EIF2AK4: variants seen among roughly 807,000 people sequenced by gnomAD.
The protein encoded by EIF2AK4 is eIF-2-alpha kinase GCN2.
EIF2AK4 carries 139 observed loss-of-function variants against 211.1 expected under a neutral mutation model. The observed-to-expected ratio is 0.66, with a 90% confidence interval of 0.57 to 0.76. The LOEUF is 0.76. Among genes scored for constraint, EIF2AK4 ranks in the 30% least tolerant of loss-of-function variants. EIF2AK4 has a pLI of 0.00. For synonymous variants in EIF2AK4, 710 were observed against 751.3 expected (o/e 0.94, Z 0.90); for missense variants, 1,664 against 2,043.8 (o/e 0.81, Z 3.58).
intron 7 of EIF2AK4, among the ~76,000 whole-genome samples, chr15:39,963,584 A>T (rs2034502497): frequency 1.3e-5 from 2 of 152,192 alleles, no homozygotes; most frequent in African/African-American, 2.4e-5. Flanking sequence ...GTATTTTTAT[A>T]AAAAACAATA....
chr15:40,011,384 G>A (rs754652716), intron 27 of EIF2AK4, 38 bp downstream of exon 27: 1 of 1,542,198 alleles, frequency 6.5e-7, no homozygotes, highest in Non-Finnish European at 8.9e-7. Flanking sequence ...AGCTTTCTCT[G>A]TAATTTTGTG....
In EIF2AK4 at chr15:40,034,358, T is replaced by G. The variant is rs1268708595; in HGVS notation, c.4806T>G (p.Thr1602=). The G allele has an allele frequency of 5.0e-6, 8 of 1,614,134 alleles. No homozygotes were observed. The highest frequency in any genetic ancestry group is 2.2e-5 in the East Asian group (1 of 44,882). Residue 1602 remains threonine, a synonymous_variant, in exon 38 of 39, where the codon ACT becomes ACG. Transcript: ENST00000263791. ...CTGATGAACAGGCATTTAACACAAC[T>G]GTGAAGCAGCTGCTGTCACGCCTGC... is the stretch of plus-strand genomic sequence containing the variant. ...WDADEQAFNT[T]VKQLLSRLPK... is the part of the protein sequence containing the mutation.
chr15:39,964,234 T>C (rs2034512510), intron 7 of EIF2AK4, among the ~76,000 whole-genome samples: 1 of 152,246 alleles, frequency 6.6e-6, no homozygotes, highest in Non-Finnish European at 1.5e-5. Context: ...ATCTTTATCA[T>C]GTATATGCAG....
chr15:39,935,468 T>C (rs1190528224), intron 1 of EIF2AK4, among the ~76,000 whole-genome samples: 1 of 152,138 alleles, frequency 6.6e-6, no homozygotes, highest in East Asian at 1.9e-4. Flanking sequence ...TACCTGGGAC[T>C]ACAGGCACAT....
At chr15:39,935,026 G>T (rs2034043357) in intron 1 of EIF2AK4, among the ~76,000 whole-genome samples, 1 of 151,940 alleles carries the variant, frequency 6.6e-6, no homozygotes, top group Admixed American at 6.6e-5. Flanking sequence ...TAACACTAAG[G>T]ATAGCTGATG....
At position 40,001,143 on chromosome 15, in the gene EIF2AK4, C is replaced by G. The variant is rs1370565209; in HGVS notation, c.3078C>G (p.Ala1026=). 1 of 1,614,162 alleles carries G rather than the reference C, an allele frequency of 6.2e-7. No individual in the cohort carries two copies. The highest frequency in any genetic ancestry group is 1.7e-5 in the Admixed American group (1 of 60,016). Residue 1026 remains alanine, a synonymous_variant, in exon 21 of 39, where the codon GCC becomes GCG. Transcript: ENST00000263791. ...CGCTGACCAACGTGGATGGGAAGGC[C>G]TACCGCACCATGATGGCCCAGATCT... The part of the protein sequence containing the change: ...HHTLTNVDGK[A]YRTMMAQIFS...
intron 16 of EIF2AK4, 98 bp downstream of exon 16, chr15:39,990,475 A>G (rs1238353092): frequency 2.0e-6 from 2 of 1,001,416 alleles, no homozygotes; most frequent in Non-Finnish European, 3.1e-6. Flanking sequence ...TCACAGAACT[A>G]TGCCGTCTAA....
chr15:39,964,774 A>G (rs12906976), intron 7 of EIF2AK4, among the ~76,000 whole-genome samples: 50,046 of 152,068 alleles, frequency 0.33, 8,349 homozygotes, highest in Middle Eastern at 0.36. Flanking sequence ...TCCCTGTGTA[A>G]GTGAGAACCA....
chr15:39,992,898 A>T, intron 18 of EIF2AK4, 50 bp downstream of exon 18: 1 of 1,559,956 alleles, frequency 6.4e-7, no homozygotes, highest in Non-Finnish European at 8.8e-7. Flanking sequence ...GTAATAGGAC[A>T]TCTAGATCAC....
Position 39,967,481 on chromosome 15 carries a change from C to A in EIF2AK4, c.1155C>A (p.Val385=), listed in dbSNP as rs776050447. The A allele has an allele frequency of 6.2e-7, 1 of 1,614,014 alleles. No homozygotes were observed. Among genetic ancestry groups the A allele is most frequent in the Non-Finnish European group, 8.5e-7 (1 of 1,180,038 alleles). Residue 385 remains valine (V), a synonymous_variant, in exon 9 of 39, where the codon GTC becomes GTA. Transcript: ENST00000263791. ...TTTTAGTGGAGCACATTAGTGGGGT[C>A]TCTCTTGCTGCACACCTGAGCCACT... ...VDILVEHISG[V]SLAAHLSHSG... is the part of the protein sequence containing the mutation.
At chr15:40,016,729 G>A in intron 28 of EIF2AK4, 57 bp downstream of exon 28, 1 of 1,559,224 alleles carries the variant, frequency 6.4e-7, no homozygotes, top group Non-Finnish European at 8.7e-7. Flanking sequence ...AATAGCACAG[G>A]GAGGAAATGT....
intron 27 of EIF2AK4, 114 bp downstream of exon 27, chr15:40,011,460 C>A: frequency 1.2e-6 from 1 of 811,100 alleles, no homozygotes; most frequent in Admixed American, 2.4e-5. Context: ...TACCACCTCG[C>A]AGATGCAGTT....
At chr15:40,029,573 C>T (rs1025994793) in intron 34 of EIF2AK4, 109 bp downstream of exon 34, 30 of 1,146,260 alleles carry the variant, frequency 2.6e-5, no homozygotes, top group Non-Finnish European at 3.7e-5. Flanking sequence ...TTTAAAATAA[C>T]ATATACGCAA....
At chr15:40,002,098 T>C (rs1202892619) in intron 21 of EIF2AK4, among the ~76,000 whole-genome samples, 1 of 152,172 alleles carries the variant, frequency 6.6e-6, no homozygotes, top group East Asian at 1.9e-4. Context: ...CATAGTAAAA[T>C]TTATGAAAGA....
In EIF2AK4 at chr15:39,939,630, A is replaced by T. The variant is rs779017653; in HGVS notation, c.257+13A>T. On this transcript the variant is annotated intron_variant, in intron 2 of 38. Transcript: ENST00000263791. Reference sequence around the variant, plus strand: ...CCTATCCAGATGTGTGAGTACATTTATAAATAGCTTTGACGTGGTTTCAGT... The same window carrying T: ...CCTATCCAGATGTGTGAGTACATTTTTAAATAGCTTTGACGTGGTTTCAGT... The T allele has an allele frequency of 1.9e-6, 3 of 1,584,996 alleles. No homozygotes were observed. The highest frequency in any genetic ancestry group is 2.7e-5 in the African/African-American group (2 of 74,188).
rs535221901 is a variant in EIF2AK4, at chr15:40,000,115, A to G, written c.2923-873A>G. 7.2e-5 allele frequency among the ~76,000 whole-genome samples: 11 copies of G among 152,326 alleles called. No individual in the cohort carries two copies. The South Asian group carries it at 2.3e-3, about 32-fold the overall frequency. On this transcript the variant is annotated intron_variant, in intron 20 of 38. Transcript: ENST00000263791. Reference sequence around the variant, plus strand: ...TTTTGCCATGCACATTTACCAGTACAGCAGGGTCTATTATGCTCAATAGGG... The same window carrying G: ...TTTTGCCATGCACATTTACCAGTACGGCAGGGTCTATTATGCTCAATAGGG...
rs140849000 is a variant in EIF2AK4 at position 39,960,553 on chromosome 15, T to C, written c.744-1231T>C. On this transcript the variant is annotated intron_variant, in intron 6 of 38. Transcript: ENST00000263791. ...GGCAGTTTTATTGACGTTGCAATGG[T>C]GTGAGGGATAAATAGTGCAGAAGTG... 1.9e-3 allele frequency among the ~76,000 whole-genome samples: 292 copies of C among 151,470 alleles called. 1 individual carries two copies. The highest frequency in any genetic ancestry group is 6.6e-3 in the African/African-American group (274 of 41,212).
chr15:39,942,079 T>C (rs963086744), intron 2 of EIF2AK4, among the ~76,000 whole-genome samples: 1 of 152,268 alleles, frequency 6.6e-6, no homozygotes, highest in Non-Finnish European at 1.5e-5. Context: ...GATGATTTTT[T>C]CTCCATTCTG....
chr15:40,026,135 T>A (rs1449589689), intron 33 of EIF2AK4, 46 bp downstream of exon 33: 1 of 1,481,726 alleles, frequency 6.7e-7, no homozygotes, highest in Admixed American at 1.7e-5. Flanking sequence ...CAGTTACCTA[T>A]ATGGAAACTA....
Sources: gnomAD v4.1 joint callset for allele counts (sites outside exome capture counted in the v4.1 genomes callset) on GRCh38, gnomAD v4.1.1 for gene constraint, MANE v1.5 for transcripts, NCBI Gene and HGNC (gene_info 2026-07-23, HGNC 2026-07-21) for gene names.